The following HNRNPF variants were observed in gnomAD, a reference collection of about 807,000 sequenced individuals.
HNRNPF encodes HnRNP F protein.
Under a neutral mutation model 26.0 loss-of-function variants are expected in HNRNPF, and 2 were observed. That is an observed-to-expected ratio of 0.08 (90% CI 0.03 to 0.24). The LOEUF (loss-of-function observed/expected upper bound fraction) is 0.24. HNRNPF is among the 10% of genes least tolerant of loss of function. HNRNPF has a pLI of 1.00. For synonymous variants in HNRNPF, 234 were observed against 211.5 expected (o/e 1.11, Z -0.92); for missense variants, 299 against 539.2 (o/e 0.55, Z 4.41).
chr10:43,390,408 G>A (rs1353673304), intron 3 of HNRNPF, among the ~76,000 whole-genome samples: 2 of 152,068 alleles, frequency 1.3e-5, no homozygotes, highest in Admixed American at 6.5e-5. Flanking sequence ...CCATCGTTCC[G>A]GGTAGGGGAG....
rs754360310 is a variant in HNRNPF, at chr10:43,387,182, C to A, written c.703G>T (p.Ala235Ser). 2 of 1,614,196 alleles carry A rather than the reference C, an allele frequency of 1.2e-6. No individual in the cohort carries two copies. Among genetic ancestry groups the A allele is most frequent in the East Asian group, 2.2e-5 (1 of 44,886 alleles). Residue 235 changes from alanine to serine, a missense_variant, in exon 4 of 4, where the codon GCC becomes TCC. Physicochemically the swap from Ala to Ser is moderately conservative, Grantham distance 99 (BLOSUM62 1). Transcript: ENST00000682386. This position sits in a 1 kb window ranked among gnomAD's most constrained non-coding sequence, Gnocchi z 6.0. Reference protein sequence around the residue: ...QAGLERMRPGAYSTGYGGYEE... With the variant: ...QAGLERMRPGSYSTGYGGYEE... ...TAGCCCCCGTAGCCTGTGCTGTAGG[C>A]ACCAGGCCTCATCCTTTCCAGGCCT...
At chr10:43,388,123 C>G (rs529406942) in intron 3 of HNRNPF, among the ~76,000 whole-genome samples, 187 bp from the exon 4 acceptor site, 1 of 152,164 alleles carries the variant, frequency 6.6e-6, no homozygotes, top group African/African-American at 2.4e-5. Context: ...CAGGAGTTTA[C>G]AAGACAGGAC....
chr10:43,391,759 ATGCTTTC>A (rs1343922016), intron 3 of HNRNPF, among the ~76,000 whole-genome samples: 1 of 152,126 alleles, frequency 6.6e-6, no homozygotes, highest in East Asian at 1.9e-4. Flanking sequence ...CCCCGGAGCC[ATGCTTTC>A]TTCTTTTTTT....
rs1248377637 is a variant in HNRNPF, at chr10:43,386,952, A to G, written c.933T>C (p.Pro311=). Residue 311 remains proline, a synonymous_variant, in exon 4 of 4, where the codon CCT becomes CCC. Transcript: ENST00000682386. The part of the protein sequence containing the change: ...TENDIYNFFS[P]LNPVRVHIEI... ...CAATATGGACTCTCACAGGGTTGAGAGGAGAGAAGAAGTTGTAAATGTCGT... is the reference window on the plus strand; with the variant it reads ...CAATATGGACTCTCACAGGGTTGAGGGGAGAGAAGAAGTTGTAAATGTCGT... 6.3e-5 allele frequency: 102 copies of G among 1,614,152 alleles called. No individual in the cohort carries two copies. The highest frequency in any genetic ancestry group is 8.6e-5 in the Non-Finnish European group (102 of 1,180,022).
At chr10:43,404,549 C>T (rs916222220) in intron 1 of HNRNPF, among the ~76,000 whole-genome samples, 1 of 152,052 alleles carries the variant, frequency 6.6e-6, no homozygotes, top group Non-Finnish European at 1.5e-5. Context: ...TTTCCAAAAA[C>T]TCTCATCTGA....
chr10:43,398,018 G>A (rs1016261270), intron 1 of HNRNPF, among the ~76,000 whole-genome samples: 9 of 152,126 alleles, frequency 5.9e-5, no homozygotes, highest in Non-Finnish European at 1.2e-4. Context: ...ATGTTTGACT[G>A]TTTTGTTTGT....
At chr10:43,393,367 G>A (rs764439743) in intron 3 of HNRNPF, among the ~76,000 whole-genome samples, 4 of 152,092 alleles carry the variant, frequency 2.6e-5, no homozygotes, top group Non-Finnish European at 4.4e-5. Flanking sequence ...AGGCTGAGGC[G>A]GGCAGGTCAC....
chr10:43,393,504 G>A (rs1838335682), intron 3 of HNRNPF, among the ~76,000 whole-genome samples: 1 of 152,024 alleles, frequency 6.6e-6, no homozygotes, highest in Non-Finnish European at 1.5e-5. Flanking sequence ...GCTGAGGCAG[G>A]AGAATCGCTT....
intron 1 of HNRNPF, among the ~76,000 whole-genome samples, chr10:43,398,718 C>T (rs7923737): frequency 1.2e-3 from 176 of 152,060 alleles, no homozygotes; most frequent in African/African-American, 4.1e-3. Flanking sequence ...TGCAGTGGCA[C>T]GATCATGGCA....
rs11548183 is a variant in HNRNPF, at chr10:43,387,886, G to A, written c.-2C>T. The A allele has an allele frequency of 5.0e-6, 8 of 1,598,610 alleles. No individual in the cohort carries two copies. Among genetic ancestry groups the A allele is most frequent in the South Asian group, 4.4e-5 (4 of 90,700 alleles). On this transcript the variant is annotated 5_prime_UTR_variant, in exon 4 of 4. Transcript: ENST00000682386. The surrounding 1 kb of genome is among the most constrained non-coding windows in gnomAD (Gnocchi z 6.0). ...ACCTCCCTCAGGGCCCAGCATCATG[G>A]ACACTTGTCAGGGTGGGTGTCAGGT...
chr10:43,393,451 C>G (rs991428726), intron 3 of HNRNPF, among the ~76,000 whole-genome samples: 2 of 152,074 alleles, frequency 1.3e-5, no homozygotes, highest in African/African-American at 4.8e-5. Flanking sequence ...CAAAATTAGC[C>G]AGGCGTGGTG....
chr10:43,399,959 C>T (rs985480817), intron 1 of HNRNPF, among the ~76,000 whole-genome samples: 1 of 152,184 alleles, frequency 6.6e-6, no homozygotes, highest in African/African-American at 2.4e-5. Context: ...GACATTTAAA[C>T]AGACAGGAGC....
At chr10:43,396,887 C>A in intron 1 of HNRNPF, 1 of 36,010 alleles carries the variant, frequency 2.8e-5, no homozygotes, top group Non-Finnish European at 6.7e-5. Context: ...GGGCGCCTCG[C>A]GGGAGGGGGA....
At chr10:43,397,559 T>C (rs1408830501) in intron 1 of HNRNPF, among the ~76,000 whole-genome samples, 1 of 152,180 alleles carries the variant, frequency 6.6e-6, no homozygotes. Context: ...AGCCCCTCTC[T>C]GGGAGGCCGC....
intron 1 of HNRNPF, among the ~76,000 whole-genome samples, chr10:43,399,249 AT>A (rs1174248714): frequency 2.0e-5 from 3 of 150,520 alleles, no homozygotes; most frequent in East Asian, 1.9e-4. Context: ...AGCCGGGCTA[AT>A]TTTTTTTTTA....
intron 3 of HNRNPF, among the ~76,000 whole-genome samples, chr10:43,389,939 G>A (rs907078920): frequency 7.9e-5 from 12 of 152,072 alleles, no homozygotes; most frequent in Admixed American, 4.6e-4. Flanking sequence ...AATCCTGAAC[G>A]GCAAATGATT....
intron 1 of HNRNPF, 124 bp from the exon 2 acceptor site, chr10:43,396,714 C>G (rs1475441577): frequency 6.6e-6 from 1 of 152,100 alleles, no homozygotes; most frequent in Non-Finnish European, 1.5e-5. Context: ...GCGACGTTCC[C>G]GCGGCCTGCT....
At chr10:43,398,016 CTGTTT>C (rs1213578538) in intron 1 of HNRNPF, among the ~76,000 whole-genome samples, 4 of 152,230 alleles carry the variant, frequency 2.6e-5, no homozygotes, top group South Asian at 4.1e-4. Flanking sequence ...GTATGTTTGA[CTGTTT>C]TGTTTGTTTG....
intron 1 of HNRNPF, among the ~76,000 whole-genome samples, chr10:43,407,996 G>A (rs1386983748): frequency 1.3e-5 from 2 of 152,324 alleles, no homozygotes; most frequent in African/African-American, 2.4e-5. Flanking sequence ...CACAATCACT[G>A]TCACTGCAGC....
Sources: gnomAD v4.1 joint callset for allele counts (sites outside exome capture counted in the v4.1 genomes callset) on GRCh38, gnomAD v4.1.1 for gene constraint, Gnocchi (gnomAD v3.1) non-coding constraint, MANE v1.5 for transcripts, NCBI Gene and HGNC (gene_info 2026-07-23, HGNC 2026-07-21) for gene names.